SEL1L2: variants seen among roughly 807,000 people sequenced by gnomAD.
SEL1L2 encodes SEL1L2 adaptor subunit of SYVN1 ubiquitin ligase.
In SEL1L2, 89 loss-of-function variants were observed where a neutral mutation model predicts 98.8. The ratio of observed to expected loss-of-function variants is 0.90; its 90% CI spans 0.76 to 1.07. SEL1L2 has a LOEUF of 1.07. Among genes scored for constraint, SEL1L2 ranks in the 50% least tolerant of loss-of-function variants. The probability of loss-of-function intolerance (pLI) is 0.00; values close to 1 mark genes in which losing one functional copy is unlikely to be tolerated. For missense variants in SEL1L2, 788 were observed against 812.0 expected (o/e 0.97, Z 0.36); for synonymous variants, 262 against 278.5 (o/e 0.94, Z 0.59).
At chr20:13,983,020 T>A (rs1158391147) in intron 1 of SEL1L2, among the ~76,000 whole-genome samples, 3 of 1,046 alleles carry the variant, frequency 2.9e-3, no homozygotes, top group East Asian at 0.038. Context: ...CAAGACTCCA[T>A]CTCAAAAAAA....
At chr20:13,974,264 A>G (rs1259424135) in intron 1 of SEL1L2, among the ~76,000 whole-genome samples, 1 of 152,118 alleles carries the variant, frequency 6.6e-6, no homozygotes, top group African/African-American at 2.4e-5. Context: ...CTGTCTTCTC[A>G]ACTCTCTGAT....
chr20:13,952,472 A>G (rs1410841752), intron 2 of SEL1L2, among the ~76,000 whole-genome samples: 2 of 152,138 alleles, frequency 1.3e-5, no homozygotes, highest in African/African-American at 4.8e-5. Flanking sequence ...GCTAATTCCT[A>G]TTATCTAGGC....
rs1014094850 is a variant in SEL1L2 at position 13,990,510 on chromosome 20, C to T, written c.25G>A (p.Glu9Lys). The T allele has an allele frequency of 3.7e-6, 6 of 1,612,796 alleles. No individual in the cohort carries two copies. The South Asian group carries it at 4.4e-5, about 12-fold the overall frequency. Residue 9 changes from glutamate (E) to lysine (K), a missense_variant, in exon 1 of 20, where the codon GAG becomes AAG. Glu to Lys is a moderately conservative substitution (Grantham distance 56). Coordinates refer to ENST00000284951, the MANE Select transcript of SEL1L2 (RefSeq NM_025229.2). ...GTGACCCCAAGAATTATCAATATCT[C>T]TATTAACAGAGACAAGGGCTTCATC... is the stretch of plus-strand genomic sequence containing the variant. MKPLSLLIEILIILGVTIK... is the reference protein window; with the variant it reads MKPLSLLIKILIILGVTIK...
At chr20:13,958,039 T>G (rs1358389459) in intron 1 of SEL1L2, among the ~76,000 whole-genome samples, 1 of 152,182 alleles carries the variant, frequency 6.6e-6, no homozygotes, top group Non-Finnish European at 1.5e-5. Context: ...AAATAAAGCT[T>G]TATCCCAAGT....
chr20:13,916,530 G>A (rs1050625964), intron 4 of SEL1L2, among the ~76,000 whole-genome samples: 3 of 152,226 alleles, frequency 2.0e-5, no homozygotes, highest in African/African-American at 7.2e-5. Flanking sequence ...AGGAGGCTGG[G>A]CGTGGTGGCT....
intron 1 of SEL1L2, among the ~76,000 whole-genome samples, chr20:13,972,522 G>C (rs1180642267): frequency 6.6e-6 from 1 of 152,088 alleles, no homozygotes; most frequent in Non-Finnish European, 1.5e-5. Flanking sequence ...GTCTTCTCTT[G>C]GATTCATTTT....
intron 1 of SEL1L2, among the ~76,000 whole-genome samples, chr20:13,958,973 G>T (rs1347459692): frequency 1.3e-5 from 2 of 151,358 alleles, no homozygotes; most frequent in Non-Finnish European, 2.9e-5. Flanking sequence ...TTGAAGATGA[G>T]GAGCATAGTG....
rs1436647653 is a variant in SEL1L2, at chr20:13,971,724, C to T, written c.59-15593G>A. Among the ~76,000 whole-genome samples the T allele has an allele frequency of 4.6e-5, 7 of 152,182 alleles. No individual in the cohort carries two copies. In the South Asian group the frequency reaches 8.3e-4, roughly 18 times the overall value. On this transcript the variant is annotated intron_variant, in intron 1 of 19. Coordinates refer to ENST00000284951, the MANE Select transcript of SEL1L2 (RefSeq NM_025229.2). ...TGTTGGGATTACAGGCGTGAGCCAC[C>T]GTGCCTGGCTACAATTTACATTTTT...
chr20:13,985,827 G>A (rs2052150895), intron 1 of SEL1L2, among the ~76,000 whole-genome samples: 1 of 152,124 alleles, frequency 6.6e-6, no homozygotes, highest in Non-Finnish European at 1.5e-5. Context: ...ATACCTCCCA[G>A]GCCTAGGTAA....
At chr20:13,896,847 G>T (rs543875651) in intron 5 of SEL1L2, among the ~76,000 whole-genome samples, 12 of 152,092 alleles carry the variant, frequency 7.9e-5, no homozygotes, top group Non-Finnish European at 1.8e-4. Flanking sequence ...AACAATTACA[G>T]ATTTAATGCA....
At chr20:13,953,339 A>C (rs990018183) in intron 2 of SEL1L2, among the ~76,000 whole-genome samples, 1 of 152,026 alleles carries the variant, frequency 6.6e-6, no homozygotes, top group Middle Eastern at 3.2e-3. Flanking sequence ...ATGCAACTGG[A>C]GCTTTGGAGG....
In SEL1L2 at chr20:13,856,095, C is replaced by A. The variant is rs190108814; in HGVS notation, c.1818+3167G>T. On this transcript the variant is annotated intron_variant, in intron 18 of 19. Coordinates refer to ENST00000284951, the MANE Select transcript of SEL1L2 (RefSeq NM_025229.2). ...ACAGGCTTTGTTCATGGTGCAATTT[C>A]CGAAGTACTTACAAATCAAGTATCA... 2.0e-5 allele frequency among the ~76,000 whole-genome samples: 3 copies of A among 152,120 alleles called. No individual in the cohort carries two copies. In the East Asian group the frequency reaches 5.8e-4, roughly 29 times the overall value.
At chr20:13,873,244 C>G (rs1342468564) in intron 12 of SEL1L2, among the ~76,000 whole-genome samples, 1 of 152,148 alleles carries the variant, frequency 6.6e-6, no homozygotes, top group Non-Finnish European at 1.5e-5. Flanking sequence ...CCAGCCTCAG[C>G]CTCCCAAAGT....
At chr20:13,975,775 C>G (rs770594181) in intron 1 of SEL1L2, among the ~76,000 whole-genome samples, 6 of 152,162 alleles carry the variant, frequency 3.9e-5, no homozygotes, top group Non-Finnish European at 8.8e-5. Context: ...TAAAAACTAA[C>G]TTAGTTATGA....
chr20:13,862,671 TTTTATTATTATTA>T (rs1990331536), intron 17 of SEL1L2, among the ~76,000 whole-genome samples: 1 of 151,424 alleles, frequency 6.6e-6, no homozygotes, highest in African/African-American at 2.4e-5. Context: ...ACTATAAAAT[TTTTATTATTATTA>T]TTTATTATTA....
chr20:13,953,277 A>G (rs1306467486), intron 2 of SEL1L2, among the ~76,000 whole-genome samples: 2 of 151,952 alleles, frequency 1.3e-5, no homozygotes, highest in Non-Finnish European at 2.9e-5. Context: ...CGTGTTTTCT[A>G]ATAACCTGGT....
intron 4 of SEL1L2, among the ~76,000 whole-genome samples, chr20:13,914,607 C>G (rs1484910899): frequency 6.6e-6 from 1 of 152,124 alleles, no homozygotes; most frequent in Non-Finnish European, 1.5e-5. Context: ...TTCTGTGACC[C>G]TCTAATCTAT....
chr20:13,958,074 AT>A (rs1417314391), intron 1 of SEL1L2, among the ~76,000 whole-genome samples: 3 of 152,198 alleles, frequency 2.0e-5, no homozygotes, highest in Admixed American at 6.5e-5. Context: ...TATTGGGACC[AT>A]GAATACTCAA....
rs1263933342 is a variant in SEL1L2, at chr20:13,990,539, T to G, written c.-5A>C. 1 of 1,610,280 alleles carries G rather than the reference T, an allele frequency of 6.2e-7. No individual in the cohort carries two copies. Among genetic ancestry groups the G allele is most frequent in the Non-Finnish European group, 8.5e-7 (1 of 1,177,150 alleles). On this transcript the variant is annotated 5_prime_UTR_variant, in exon 1 of 20. Coordinates refer to ENST00000284951, the MANE Select transcript of SEL1L2 (RefSeq NM_025229.2). ...TAACAGAGACAAGGGCTTCATCTTC[T>G]CTTAAGCAGCTTCTCTTCACTGTAA...
Sources: allele counts gnomAD v4.1 joint callset (sites outside exome capture counted in the v4.1 genomes callset), GRCh38; gene constraint gnomAD v4.1.1; transcripts MANE v1.5; gene names NCBI Gene and HGNC (gene_info 2026-07-23, HGNC 2026-07-21).